PLEKHG4B: variants seen among roughly 807,000 people sequenced by gnomAD.
PLEKHG4B encodes pleckstrin homology domain-containing family G member 4B.
Under a neutral mutation model 121.3 loss-of-function variants are expected in PLEKHG4B, and 111 were observed. The ratio of observed to expected loss-of-function variants is 0.92; its 90% CI spans 0.78 to 1.07. The LOEUF (loss-of-function observed/expected upper bound fraction) is 1.07. Ranked by LOEUF, PLEKHG4B falls within the 50% of genes least tolerant of loss-of-function variation. PLEKHG4B has a pLI of 0.00. For missense variants in PLEKHG4B, 1,831 were observed against 1,757.8 expected (o/e 1.04, Z -0.74); for synonymous variants, 738 against 725.0 (o/e 1.02, Z -0.29).
chr5:118,058 T>C (rs1347141511), intron 2 of PLEKHG4B, among the ~76,000 whole-genome samples: 2 of 152,034 alleles, frequency 1.3e-5, no homozygotes, highest in African/African-American at 4.8e-5. Context: ...TAAAAAATAA[T>C]AGACCAGCAA....
Position 140,471 on chromosome 5 carries a change from C to T in PLEKHG4B, c.1232C>T (p.Thr411Ile), listed in dbSNP as rs1579278000. 1 of 1,591,070 alleles carries T rather than the reference C, an allele frequency of 6.3e-7. No homozygotes were observed. The highest frequency in any genetic ancestry group is 1.3e-5 in the African/African-American group (1 of 74,406). Residue 411 changes from threonine (T) to isoleucine (I), a missense_variant, in exon 3 of 20, where the codon ACC (threonine) becomes ATC (isoleucine). Coordinates refer to ENST00000637938, the MANE Select transcript of PLEKHG4B (RefSeq NM_052909.5). The part of the protein sequence containing the change: ...TSGPRGDPQQ[T>I]PSLEKERHTP... The stretch of plus-strand genomic sequence containing the variant: ...GGCCCCCGGGGAGACCCCCAACAGA[C>T]CCCAAGTCTAGAGAAGGAGAGGCAC...
intron 1 of PLEKHG4B, among the ~76,000 whole-genome samples, chr5:105,876 G>A (rs566596719): frequency 6.6e-6 from 1 of 152,240 alleles, no homozygotes; most frequent in South Asian, 2.1e-4. Context: ...TGTAGAAGCT[G>A]GGGGGGCCCA....
intron 1 of PLEKHG4B, among the ~76,000 whole-genome samples, chr5:102,934 G>C (rs944398703): frequency 2.0e-5 from 3 of 152,174 alleles, no homozygotes; most frequent in African/African-American, 7.2e-5. Flanking sequence ...TCTTGGAGCC[G>C]GTGGTTATGG....
intron 1 of PLEKHG4B, among the ~76,000 whole-genome samples, chr5:98,425 C>CGTTG (rs1316674377): frequency 6.4e-5 from 3 of 46,820 alleles, no homozygotes; most frequent in African/African-American, 2.7e-4. Context: ...TTTACTGTAG[C>CGTTG]TTTTTTTTTT....
chr5:143,604 A>G, intron 5 of PLEKHG4B, 101 bp downstream of exon 5: 2 of 1,438,638 alleles, frequency 1.4e-6, no homozygotes, highest in Non-Finnish European at 1.9e-6. Flanking sequence ...TTCCATGGCC[A>G]GACTCTGCCT....
chr5:149,021 A>G (rs1353890709), intron 6 of PLEKHG4B, among the ~76,000 whole-genome samples: 2 of 152,242 alleles, frequency 1.3e-5, no homozygotes, highest in African/African-American at 2.4e-5. Context: ...ATTCACATGC[A>G]AAAGAATGAA....
At chr5:147,496 T>A (rs1249356979) in intron 6 of PLEKHG4B, among the ~76,000 whole-genome samples, 1 of 152,142 alleles carries the variant, frequency 6.6e-6, no homozygotes, top group African/African-American at 2.4e-5. Context: ...AGCGCACACC[T>A]GCTGAGCAAA....
chr5:92,797 G>A (rs1733510787), intron 1 of PLEKHG4B, among the ~76,000 whole-genome samples: 1 of 152,050 alleles, frequency 6.6e-6, no homozygotes, highest in Non-Finnish European at 1.5e-5. Context: ...AGCTCAAACC[G>A]GTGGGACAGA....
At chr5:100,149 T>G (rs527774159) in intron 1 of PLEKHG4B, among the ~76,000 whole-genome samples, 2 of 152,320 alleles carry the variant, frequency 1.3e-5, no homozygotes, top group East Asian at 3.9e-4. Context: ...GATTTAGAAC[T>G]AATTTTTTGA....
In PLEKHG4B at chr5:137,976, C is replaced by T. The variant is rs1311291999; in HGVS notation, c.244-1507C>T. Reference sequence around the variant, plus strand: ...GGGTGTCAAGGAGCCGCTTCTTGAACGGCTTGCTCACCGGTGTGAGGAACA... The same window carrying T: ...GGGTGTCAAGGAGCCGCTTCTTGAATGGCTTGCTCACCGGTGTGAGGAACA... On this transcript the variant is annotated intron_variant, in intron 2 of 19. Transcript: ENST00000637938. This position sits in a 1 kb window ranked among gnomAD's most constrained non-coding sequence, Gnocchi z 4.2. Among the ~76,000 whole-genome samples, 2 of 152,242 alleles carry T rather than the reference C, an allele frequency of 1.3e-5. No individual in the cohort carries two copies. The highest frequency in any genetic ancestry group is 1.9e-4 in the East Asian group (1 of 5,196).
chr5:158,824 G>GT, intron 11 of PLEKHG4B, among the ~76,000 whole-genome samples: 1 of 152,000 alleles, frequency 6.6e-6, no homozygotes, highest in Non-Finnish European at 1.5e-5. Flanking sequence ...GCCCCATCCT[G>GT]TGGTCTCCTA....
chr5:118,906 A>C (rs1326620443), intron 2 of PLEKHG4B, among the ~76,000 whole-genome samples: 1 of 150,826 alleles, frequency 6.6e-6, no homozygotes, highest in Admixed American at 6.6e-5. Context: ...GCTGGAGTGC[A>C]GTGGTGCGAT....
At chr5:169,255 A>C in intron 13 of PLEKHG4B, 85 bp from the exon 14 acceptor site, 1 of 1,550,348 alleles carries the variant, frequency 6.5e-7, no homozygotes, top group Non-Finnish European at 8.7e-7. Context: ...CCGGGTTTTC[A>C]TGTGTTTCTG....
rs140289664 is a variant in PLEKHG4B, at chr5:94,915, A to G, written c.45+2639A>G. Among the ~76,000 whole-genome samples, 331 of 152,294 alleles carry G rather than the reference A, an allele frequency of 2.2e-3. 2 individuals carry two copies. The highest frequency in any genetic ancestry group is 7.7e-3 in the African/African-American group (321 of 41,556). On this transcript the variant is annotated intron_variant, in intron 1 of 19. Transcript: ENST00000637938. The stretch of plus-strand genomic sequence containing the variant: ...CCTCACCTACCTCTCCGAGTACCCT[A>G]GAGTCAAACTTGAAAAGAGATGTAC...
chr5:175,688 C>T (rs1736740588), intron 18 of PLEKHG4B, among the ~76,000 whole-genome samples: 1 of 9,700 alleles, frequency 1.0e-4, no homozygotes. Context: ...TCCAGGCAGA[C>T]ACGACCAGGG....
intron 1 of PLEKHG4B, among the ~76,000 whole-genome samples, chr5:108,839 CCTAGACAGGTTTT>C (rs1734053132): frequency 6.6e-6 from 1 of 152,272 alleles, no homozygotes; most frequent in South Asian, 2.1e-4. Context: ...GACGAGGCTT[CCTAGACAGGTTTT>C]GATTCAATGG....
intron 1 of PLEKHG4B, among the ~76,000 whole-genome samples, chr5:99,822 T>G (rs1410510762): frequency 6.6e-6 from 1 of 152,106 alleles, no homozygotes. Context: ...TGGGGAAAAC[T>G]TTGAGTTTTT....
chr5:154,621 C>CTTTTT lies in PLEKHG4B; in HGVS notation c.1993-238_1993-234dup, dbSNP rs35893349. ...TCATTCTTTCCCTTTTCCTTCCTCC[C>CTTTTT]TTTTTTTTTTTTTTTTTTTTGGTTT... On this transcript the variant is annotated intron_variant, in intron 7 of 19. Coordinates refer to ENST00000637938, the MANE Select transcript of PLEKHG4B (RefSeq NM_052909.5). 3.0e-5 allele frequency among the ~76,000 whole-genome samples: 4 copies of CTTTTT among 131,882 alleles called. No homozygotes were observed. The South Asian group carries it at 9.7e-4, about 32-fold the overall frequency. The allele number at this position is 131,882 out of a possible 152,430, so 86.5% of individuals were successfully genotyped here.
intron 1 of PLEKHG4B, among the ~76,000 whole-genome samples, chr5:104,742 T>C (rs1733924491): frequency 6.6e-6 from 1 of 152,260 alleles, no homozygotes; most frequent in Admixed American, 6.5e-5. Flanking sequence ...TCCTTTGAGC[T>C]GCATTTCAAC....
Sources: allele counts gnomAD v4.1 joint callset (sites outside exome capture counted in the v4.1 genomes callset), GRCh38; gene constraint gnomAD v4.1.1; non-coding constraint Gnocchi (gnomAD v3.1); transcripts MANE v1.5; gene names NCBI Gene and HGNC (gene_info 2026-07-23, HGNC 2026-07-21).